Variants in MAGI3 observed in about 807,000 individuals in gnomAD.
The protein encoded by MAGI3 is membrane-associated guanylate kinase, WW and PDZ domain-containing protein 3.
MAGI3 carries 43 observed loss-of-function variants against 121.8 expected under a neutral mutation model. That is an observed-to-expected ratio of 0.35 (90% CI 0.28 to 0.46). The LOEUF (loss-of-function observed/expected upper bound fraction) is 0.46. MAGI3 is among the 20% of genes least tolerant of loss of function. The pLI is 1.00. For missense variants in MAGI3, 1,547 were observed against 1,797.3 expected (o/e 0.86, Z 2.52); for synonymous variants, 553 against 639.3 (o/e 0.86, Z 2.04).
intron 1 of MAGI3, among the ~76,000 whole-genome samples, chr1:113,527,954 C>T (rs1658528446): frequency 6.6e-6 from 1 of 151,954 alleles, no homozygotes; most frequent in South Asian, 2.1e-4. Flanking sequence ...GATTCCATAC[C>T]CACCTATCTA....
At chr1:113,564,621 G>T (rs1660364936) in intron 2 of MAGI3, among the ~76,000 whole-genome samples, 1 of 152,102 alleles carries the variant, frequency 6.6e-6, no homozygotes, top group South Asian at 2.1e-4. Context: ...TGTAGTCCCA[G>T]CACTTTGGGA....
intron 1 of MAGI3, among the ~76,000 whole-genome samples, chr1:113,474,672 G>A (rs1005788758): frequency 4.6e-5 from 7 of 151,152 alleles, no homozygotes; most frequent in East Asian, 2.0e-4. Context: ...GTCAGGTAGC[G>A]TGATGCCTCC....
At chr1:113,465,501 C>T (rs1353414889) in intron 1 of MAGI3, among the ~76,000 whole-genome samples, 1 of 151,892 alleles carries the variant, frequency 6.6e-6, no homozygotes, top group Non-Finnish European at 1.5e-5. Flanking sequence ...TTTGTGATTC[C>T]ATATAAATGT....
intron 1 of MAGI3, among the ~76,000 whole-genome samples, chr1:113,449,388 T>TGA (rs1553186342): frequency 4.0e-5 from 6 of 151,260 alleles, no homozygotes; most frequent in African/African-American, 9.7e-5. Context: ...TGTGTGTGTG[T>TGA]GACAGAGAGA....
At chr1:113,650,238 T>G (rs1653079960) in intron 13 of MAGI3, among the ~76,000 whole-genome samples, 2 of 151,508 alleles carry the variant, frequency 1.3e-5, no homozygotes, top group South Asian at 2.1e-4. Context: ...GGTTGCCCTA[T>G]GTAGAACAAA....
chr1:113,601,716 T>C (rs902422546), intron 6 of MAGI3, among the ~76,000 whole-genome samples: 2 of 143,570 alleles, frequency 1.4e-5, no homozygotes, highest in African/African-American at 5.2e-5. Flanking sequence ...GCCATCCCAT[T>C]ACTGGGTATA....
At chr1:113,534,804 T>A (rs1658890217) in intron 1 of MAGI3, among the ~76,000 whole-genome samples, 4 of 152,142 alleles carry the variant, frequency 2.6e-5, no homozygotes, top group Admixed American at 6.5e-5. Flanking sequence ...ATCATGTGAT[T>A]TTTTTTTCTT....
At chr1:113,463,595 G>A (rs1482486043) in intron 1 of MAGI3, among the ~76,000 whole-genome samples, 1 of 152,094 alleles carries the variant, frequency 6.6e-6, no homozygotes, top group Admixed American at 6.5e-5. Context: ...GAGGCTGAAA[G>A]CCTGTTTGTG....
At chr1:113,591,031 T>C in intron 5 of MAGI3, among the ~76,000 whole-genome samples, 1 of 152,126 alleles carries the variant, frequency 6.6e-6, no homozygotes, top group Non-Finnish European at 1.5e-5. Flanking sequence ...TAGGAGCATA[T>C]TATTATCCGA....
chr1:113,664,715 A>T (rs1228874607), intron 16 of MAGI3, among the ~76,000 whole-genome samples: 1 of 152,200 alleles, frequency 6.6e-6, no homozygotes, highest in African/African-American at 2.4e-5. Flanking sequence ...AGTACTTTGT[A>T]TTATCAGCTT....
intron 1 of MAGI3, among the ~76,000 whole-genome samples, chr1:113,416,277 T>C (rs1652363310): frequency 3.2e-5 from 1 of 31,152 alleles, no homozygotes; most frequent in African/African-American, 2.0e-4. Flanking sequence ...ATGTAATTAA[T>C]TACACATATT....
At chr1:113,536,680 G>A (rs547577862) in intron 1 of MAGI3, among the ~76,000 whole-genome samples, 1 of 151,262 alleles carries the variant, frequency 6.6e-6, no homozygotes, top group Non-Finnish European at 1.5e-5. Flanking sequence ...ATTGTTGTTG[G>A]TTCCAGCTAA....
At chr1:113,646,404 A>G (rs1652844044) in intron 11 of MAGI3, 82 bp from the exon 12 acceptor site, 1 of 1,155,546 alleles carries the variant, frequency 8.7e-7, no homozygotes, top group South Asian at 1.8e-5. Context: ...CAGTTGACAT[A>G]TCCATTTCAG....
At chr1:113,598,719 A>G (rs188914772) in intron 6 of MAGI3, among the ~76,000 whole-genome samples, 112 of 152,238 alleles carry the variant, frequency 7.4e-4, no homozygotes, top group Non-Finnish European at 1.3e-3. Flanking sequence ...TATCAACACA[A>G]TAATAGTAGG....
intron 2 of MAGI3, among the ~76,000 whole-genome samples, chr1:113,560,807 C>A (rs1660203553): frequency 6.6e-6 from 1 of 151,768 alleles, no homozygotes; most frequent in African/African-American, 2.4e-5. Context: ...AAAAACCCTT[C>A]AAAAAATCAA....
intron 1 of MAGI3, among the ~76,000 whole-genome samples, chr1:113,464,089 A>G (rs900253950): frequency 2.0e-5 from 3 of 152,140 alleles, no homozygotes; most frequent in African/African-American, 7.2e-5. Flanking sequence ...ATCAAAGAGT[A>G]GGTCTTATTT....
At chr1:113,594,302 G>A (rs909435744) in intron 5 of MAGI3, among the ~76,000 whole-genome samples, 179 bp from the exon 6 acceptor site, 1 of 152,126 alleles carries the variant, frequency 6.6e-6, no homozygotes, top group African/African-American at 2.4e-5. Flanking sequence ...TTCCTTTATG[G>A]AAATTTTGAA....
At chr1:113,619,060 C>T (rs1346192717) in intron 7 of MAGI3, among the ~76,000 whole-genome samples, 1 of 152,180 alleles carries the variant, frequency 6.6e-6, no homozygotes, top group Non-Finnish European at 1.5e-5. Flanking sequence ...GGCTAGTCTC[C>T]CCAGGCTTCC....
At chr1:113,527,019 T>C (rs1040096633) in intron 1 of MAGI3, among the ~76,000 whole-genome samples, 1 of 152,210 alleles carries the variant, frequency 6.6e-6, no homozygotes, top group Non-Finnish European at 1.5e-5. Context: ...TTTTATAGGA[T>C]TATTGTGAGA....
Sources: gnomAD v4.1 joint callset for allele counts (sites outside exome capture counted in the v4.1 genomes callset) on GRCh38, gnomAD v4.1.1 for gene constraint, MANE v1.5 for transcripts, NCBI Gene and HGNC (gene_info 2026-07-23, HGNC 2026-07-21) for gene names.